Variants in CSMD1 observed in about 807,000 individuals in gnomAD.
The protein encoded by CSMD1 is CUB and Sushi multiple domains 1.
A neutral mutation model predicts 417.5 loss-of-function variants in CSMD1; 213 were observed. The ratio of observed to expected loss-of-function variants is 0.51; its 90% CI spans 0.46 to 0.57. The LOEUF (loss-of-function observed/expected upper bound fraction) is 0.57. Ranked by LOEUF, CSMD1 falls within the 20% of genes least tolerant of loss-of-function variation. The probability of loss-of-function intolerance (pLI) is 0.00; values close to 1 mark genes in which losing one functional copy is unlikely to be tolerated. For missense variants in CSMD1, 6,923 were observed against 4,529.7 expected (o/e 1.53, Z -15.17); for synonymous variants, 2,862 against 1,736.8 (o/e 1.65, Z -16.11).
chr8:4,255,297 C>T (rs1376837269), intron 3 of CSMD1, among the ~76,000 whole-genome samples: 2 of 152,130 alleles, frequency 1.3e-5, no homozygotes, highest in Non-Finnish European at 2.9e-5. Flanking sequence ...CAAAGACCTC[C>T]TATATTGGTG....
chr8:4,334,464 T>C (rs1328972503), intron 3 of CSMD1, among the ~76,000 whole-genome samples: 1 of 152,178 alleles, frequency 6.6e-6, no homozygotes, highest in African/African-American at 2.4e-5. Context: ...ATCAAACTCC[T>C]GAGTGTTCAT....
chr8:3,832,176 G>T (rs939136574), intron 5 of CSMD1, among the ~76,000 whole-genome samples: 2 of 152,144 alleles, frequency 1.3e-5, no homozygotes, highest in African/African-American at 4.8e-5. Context: ...AAGGCAAACA[G>T]CCGTGGAGGC....
chr8:3,829,970 A>T (rs1351643205), intron 5 of CSMD1, among the ~76,000 whole-genome samples: 1 of 152,134 alleles, frequency 6.6e-6, no homozygotes, highest in African/African-American at 2.4e-5. Flanking sequence ...AATTTTGCTC[A>T]TATGTTTTTT....
At chr8:3,635,003 C>A (rs987231721) in intron 7 of CSMD1, among the ~76,000 whole-genome samples, 16 of 151,964 alleles carry the variant, frequency 1.1e-4, no homozygotes, top group African/African-American at 3.9e-4. Context: ...TGTATCTAAA[C>A]CTAACTAAAC....
intron 7 of CSMD1, among the ~76,000 whole-genome samples, chr8:3,671,347 T>A (rs1799023755): frequency 6.7e-6 from 1 of 148,282 alleles, no homozygotes; most frequent in African/African-American, 2.5e-5. Flanking sequence ...CATGCTGTAT[T>A]GTATTTAATT....
chr8:4,884,181 T>A (rs1198755837), intron 1 of CSMD1, among the ~76,000 whole-genome samples: 1 of 152,012 alleles, frequency 6.6e-6, no homozygotes, highest in Non-Finnish European at 1.5e-5. Flanking sequence ...GGTTGCCTTT[T>A]TATTATTGAG....
intron 3 of CSMD1, among the ~76,000 whole-genome samples, chr8:4,117,760 G>C (rs928975787): frequency 1.3e-5 from 2 of 152,064 alleles, no homozygotes; most frequent in African/African-American, 2.4e-5. Flanking sequence ...TAGATATTCA[G>C]AAACACACCA....
At chr8:4,136,266 C>A (rs561024786) in intron 3 of CSMD1, among the ~76,000 whole-genome samples, 1 of 152,304 alleles carries the variant, frequency 6.6e-6, no homozygotes, top group East Asian at 1.9e-4. Flanking sequence ...GTAACTTGAA[C>A]ACAGTCAGGA....
At chr8:3,750,720 C>G (rs1252491627) in intron 6 of CSMD1, among the ~76,000 whole-genome samples, 1 of 152,076 alleles carries the variant, frequency 6.6e-6, no homozygotes, top group Non-Finnish European at 1.5e-5. Flanking sequence ...ATCTTACTCG[C>G]AAAAAACCAG....
intron 11 of CSMD1, among the ~76,000 whole-genome samples, chr8:3,469,858 C>T (rs1294185023): frequency 6.6e-6 from 1 of 152,192 alleles, no homozygotes; most frequent in African/African-American, 2.4e-5. Flanking sequence ...TCTGTGAATG[C>T]TGTGTGGTTA....
chr8:4,152,253 C>T (rs1374386257), intron 3 of CSMD1, among the ~76,000 whole-genome samples: 1 of 152,150 alleles, frequency 6.6e-6, no homozygotes, highest in Non-Finnish European at 1.5e-5. Flanking sequence ...CAAGAGAATG[C>T]TCTATGATGG....
intron 4 of CSMD1, among the ~76,000 whole-genome samples, chr8:4,020,473 G>C (rs67885938): frequency 0.09 from 13,645 of 152,170 alleles, 650 homozygotes; most frequent in Middle Eastern, 0.12. Flanking sequence ...TTATGTGACC[G>C]CTAGGGTCAG....
intron 1 of CSMD1, among the ~76,000 whole-genome samples, chr8:4,942,376 T>C (rs1456995608): frequency 6.6e-6 from 1 of 152,208 alleles, no homozygotes; most frequent in Non-Finnish European, 1.5e-5. Context: ...TTGATGTTTC[T>C]TTGCTGAGAT....
chr8:4,240,718 G>A (rs1585080666), intron 3 of CSMD1, among the ~76,000 whole-genome samples: 1 of 152,072 alleles, frequency 6.6e-6, no homozygotes, highest in African/African-American at 2.4e-5. Context: ...AAATGCAGTT[G>A]ATGCCAATGT....
intron 12 of CSMD1, among the ~76,000 whole-genome samples, chr8:3,430,082 T>TATACATATATACACACATGCAC (rs1563380626): frequency 3.7e-4 from 56 of 152,186 alleles, no homozygotes; most frequent in Non-Finnish European, 5.9e-5. Context: ...CACACATGCA[T>TATACATATATACACACATGCAC]ATATACATAT....
At chr8:3,654,734 T>G (rs773259856) in intron 7 of CSMD1, among the ~76,000 whole-genome samples, 1 of 152,194 alleles carries the variant, frequency 6.6e-6, no homozygotes, top group Non-Finnish European at 1.5e-5. Flanking sequence ...CTGCAGGTGA[T>G]GAAGTGCTCC....
At chr8:4,698,381 A>G (rs1246871813) in intron 1 of CSMD1, among the ~76,000 whole-genome samples, 1 of 152,160 alleles carries the variant, frequency 6.6e-6, no homozygotes, top group Non-Finnish European at 1.5e-5. Context: ...CAGAGAAAGA[A>G]GGCAAAGGTT....
chr8:4,955,675 C>A lies in CSMD1; in HGVS notation c.85+38657G>T, dbSNP rs186625988. Among the ~76,000 whole-genome samples, 922 of 152,170 alleles carry A rather than the reference C, an allele frequency of 6.1e-3. 3 individuals carry two copies. Among genetic ancestry groups the A allele is most frequent in the Non-Finnish European group, 7.3e-3 (499 of 68,000 alleles). ...TTCCCCATATTGGCCAGGCTGGTCTCGAACTCCTGACCTCAGGTGATCCAC... is the reference window on the plus strand; with the variant it reads ...TTCCCCATATTGGCCAGGCTGGTCTAGAACTCCTGACCTCAGGTGATCCAC... On this transcript the variant is annotated intron_variant, in intron 1 of 69. Coordinates refer to ENST00000635120, the MANE Select transcript of CSMD1 (RefSeq NM_033225.6).
rs769094469 is a variant in CSMD1, at chr8:2,951,266, T to G, written c.10049A>C (p.Asp3350Ala). 1 of 1,604,212 alleles carries G rather than the reference T, an allele frequency of 6.2e-7. No homozygotes were observed. Among genetic ancestry groups the G allele is most frequent in the East Asian group, 2.2e-5 (1 of 44,588 alleles). The change falls in exon 66 of 70, where the codon GAT (aspartate) becomes GCT (alanine). Residue 3350 changes from aspartate to alanine, a missense_variant. Coordinates refer to ENST00000635120, the MANE Select transcript of CSMD1 (RefSeq NM_033225.6). ...CCACAGTGAATTGACGAAAAAGACA[T>G]CTGAAGGAACTGTGGGAAGGGGGGA... Reference protein sequence around the residue: ...ETVTKTPVPSDVFFVNSLWKG... With the variant: ...ETVTKTPVPSAVFFVNSLWKG...
Sources: gnomAD v4.1 joint callset for allele counts (sites outside exome capture counted in the v4.1 genomes callset) on GRCh38, gnomAD v4.1.1 for gene constraint, MANE v1.5 for transcripts, NCBI Gene and HGNC (gene_info 2026-07-23, HGNC 2026-07-21) for gene names.